Variants in RARB observed in about 807,000 individuals in gnomAD.
The protein encoded by RARB is retinoic acid receptor beta.
A neutral mutation model predicts 51.9 loss-of-function variants in RARB; 17 were observed. The observed-to-expected ratio is 0.33, with a 90% confidence interval of 0.22 to 0.49. The LOEUF is 0.49. Ranked by LOEUF, RARB falls within the 20% of genes least tolerant of loss-of-function variation. The probability of loss-of-function intolerance (pLI) is 0.99; values close to 1 mark genes in which losing one functional copy is unlikely to be tolerated. For synonymous variants in RARB, 215 were observed against 195.4 expected (o/e 1.10, Z -0.84); for missense variants, 369 against 550.8 (o/e 0.67, Z 3.30).
At position 25,143,946 on chromosome 3, in the gene RARB, G is replaced by A. The variant is rs536627526; in HGVS notation, c.-280+11738G>A. ...CTAGAAATACTCATTTCCTTTCCTC[G>A]CAGCTCTAAGTGGGAGAAATCAACC... On this transcript the variant is annotated intron_variant, in intron 4 of 11. Coordinates refer to the RARB transcript ENST00000383772. Among the ~76,000 whole-genome samples the A allele has an allele frequency of 9.1e-4, 139 of 152,174 alleles. 1 individual carries two copies. Among genetic ancestry groups the A allele is most frequent in the Non-Finnish European group, 1.6e-3 (111 of 68,018 alleles).
chr3:25,460,620 G>T (rs535029158), intron 1 of RARB, among the ~76,000 whole-genome samples: 1 of 151,912 alleles, frequency 6.6e-6, no homozygotes, highest in East Asian at 1.9e-4. Flanking sequence ...GCTAATTTTT[G>T]TATTTTTAGT....
chr3:25,142,316 A>G (rs964938133), intron 4 of RARB, among the ~76,000 whole-genome samples: 1 of 152,144 alleles, frequency 6.6e-6, no homozygotes, highest in Non-Finnish European at 1.5e-5. Flanking sequence ...CCTGAGCAAC[A>G]AGAGCAAGAC....
chr3:25,075,232 G>A (rs1362976600), intron 3 of RARB, among the ~76,000 whole-genome samples: 10 of 152,026 alleles, frequency 6.6e-5, no homozygotes, highest in African/African-American at 2.2e-4. Context: ...TTTTGTCCTC[G>A]AGTTTGCTAA....
chr3:24,992,918 G>A (rs1184946448), intron 2 of RARB, among the ~76,000 whole-genome samples: 3 of 151,950 alleles, frequency 2.0e-5, no homozygotes, highest in Admixed American at 1.3e-4. Context: ...ATTTATTTGA[G>A]TTTTCTACTT....
intron 5 of RARB, among the ~76,000 whole-genome samples, chr3:25,340,089 G>C (rs562285946): frequency 6.6e-6 from 1 of 152,080 alleles, no homozygotes; most frequent in African/African-American, 2.4e-5. Flanking sequence ...AGGAGAACAC[G>C]TGGGATGAAC....
At chr3:25,264,367 T>C (rs191115933) in intron 5 of RARB, among the ~76,000 whole-genome samples, 2,654 of 152,168 alleles carry the variant, frequency 0.017, 81 homozygotes, top group African/African-American at 0.06. Flanking sequence ...ATCTACTATT[T>C]TTTTTTATAT....
intron 5 of RARB, among the ~76,000 whole-genome samples, chr3:25,257,657 G>A (rs115391132): frequency 0.021 from 3,258 of 152,036 alleles, 89 homozygotes; most frequent in African/African-American, 0.066. Context: ...CAAGTCCTGC[G>A]GTCTACCTGA....
chr3:25,017,817 C>T (rs1321242974), intron 2 of RARB, among the ~76,000 whole-genome samples: 3 of 152,124 alleles, frequency 2.0e-5, no homozygotes, highest in African/African-American at 4.8e-5. Flanking sequence ...TTTCCCCCTA[C>T]AAATTCATAT....
intron 2 of RARB, among the ~76,000 whole-genome samples, chr3:24,964,847 T>C (rs1696219550): frequency 6.6e-6 from 1 of 152,216 alleles, no homozygotes; most frequent in African/African-American, 2.4e-5. Flanking sequence ...AGTTATCTAA[T>C]AGCAGGGCTA....
chr3:25,232,865 T>C (rs1387419500), intron 5 of RARB, among the ~76,000 whole-genome samples: 1 of 152,160 alleles, frequency 6.6e-6, no homozygotes, highest in Non-Finnish European at 1.5e-5. Context: ...TGTTAGATGA[T>C]TGTGTCCAGT....
intron 1 of RARB, among the ~76,000 whole-genome samples, chr3:24,843,845 C>G (rs67530303): frequency 0.27 from 40,562 of 151,484 alleles, 6,421 homozygotes; most frequent in Admixed American, 0.37. Flanking sequence ...ATCAGCTGTG[C>G]TCTTGGTTGT....
At chr3:24,952,218 A>C (rs1412621949) in intron 2 of RARB, among the ~76,000 whole-genome samples, 1 of 148,784 alleles carries the variant, frequency 6.7e-6, no homozygotes, top group East Asian at 2.0e-4. Flanking sequence ...TTTAAACAAA[A>C]CAAACAAACA....
intron 2 of RARB, among the ~76,000 whole-genome samples, chr3:24,937,095 T>A (rs769545933): frequency 1.3e-5 from 2 of 151,998 alleles, no homozygotes; most frequent in African/African-American, 4.8e-5. Context: ...TTTAAGAATA[T>A]CACTTCAAAA....
At chr3:25,301,064 A>T (rs1262466848) in intron 5 of RARB, among the ~76,000 whole-genome samples, 1 of 152,200 alleles carries the variant, frequency 6.6e-6, no homozygotes, top group Non-Finnish European at 1.5e-5. Context: ...GTTTGTTGGG[A>T]TGTAACCTCA....
chr3:25,165,968 AG>A, intron 4 of RARB, among the ~76,000 whole-genome samples: 1 of 152,244 alleles, frequency 6.6e-6, no homozygotes, highest in East Asian at 1.9e-4. Context: ...AAAGAAATAC[AG>A]GGACATTCTT....
chr3:25,261,218 C>T (rs1702989585), intron 5 of RARB, among the ~76,000 whole-genome samples: 1 of 152,092 alleles, frequency 6.6e-6, no homozygotes, highest in African/African-American at 2.4e-5. Flanking sequence ...AGATGATGGT[C>T]ATCATGATCA....
chr3:25,331,140 T>C (rs1704881794), intron 5 of RARB, among the ~76,000 whole-genome samples: 1 of 152,088 alleles, frequency 6.6e-6, no homozygotes, highest in African/African-American at 2.4e-5. Flanking sequence ...AACAAGGATA[T>C]CCAGGAATTG....
At chr3:25,142,204 G>T (rs1285868923) in intron 4 of RARB, among the ~76,000 whole-genome samples, 2 of 152,104 alleles carry the variant, frequency 1.3e-5, no homozygotes, top group African/African-American at 4.8e-5. Flanking sequence ...CATGGTGGCG[G>T]GCACCTGTAG....
In RARB at chr3:25,333,408, C is replaced by G. The variant is rs572745691; in HGVS notation, c.179-127785C>G. ...ACCATCTAGTCTTTGACAAACCTGA[C>G]AAAAACAAGAAATGGGGAAAGGATT... On this transcript the variant is annotated intron_variant, in intron 5 of 11. Transcript: ENST00000383772. Among the ~76,000 whole-genome samples, 1,167 of 152,150 alleles carry G rather than the reference C, an allele frequency of 7.7e-3. 10 individuals are homozygous for G. Among genetic ancestry groups the G allele is most frequent in the African/African-American group, 0.025 (1,052 of 41,488 alleles).
Sources: allele counts gnomAD v4.1 joint callset (sites outside exome capture counted in the v4.1 genomes callset), GRCh38; gene constraint gnomAD v4.1.1; transcripts MANE v1.5; gene names NCBI Gene and HGNC (gene_info 2026-07-23, HGNC 2026-07-21).